ZBTB16: variants seen among roughly 807,000 people sequenced by gnomAD.
ZBTB16 encodes zinc finger and BTB domain containing 16.
A neutral mutation model predicts 56.8 loss-of-function variants in ZBTB16; 8 were observed. That is an observed-to-expected ratio of 0.14 (90% confidence interval 0.08 to 0.25). The LOEUF (loss-of-function observed/expected upper bound fraction) is 0.25, where lower values mean the gene tolerates loss of function less well. Ranked by LOEUF, ZBTB16 falls within the 10% of genes least tolerant of loss-of-function variation. The pLI, the probability that ZBTB16 is intolerant of heterozygous loss-of-function variation, is 1.00. For synonymous variants in ZBTB16, 363 were observed against 368.5 expected (o/e 0.98, Z 0.17); for missense variants, 625 against 903.0 (o/e 0.69, Z 3.95).
At chr11:114,243,048 C>T (rs1944745188) in intron 5 of ZBTB16, among the ~76,000 whole-genome samples, 1 of 152,226 alleles carries the variant, frequency 6.6e-6, no homozygotes, top group Non-Finnish European at 1.5e-5. Flanking sequence ...GATGGGGACA[C>T]TTGGTCCCTG....
Position 114,091,356 on chromosome 11 carries a change from C to T in ZBTB16, c.1268+26788C>T, listed in dbSNP as rs1940179504. The stretch of plus-strand genomic sequence containing the variant: ...AGTGGGACCCTGTCTCAAAACAAAA[C>T]AAAACAACAACAAAAAAAGCATGTT... On this transcript the variant is annotated intron_variant, in intron 2 of 6. Coordinates refer to ENST00000335953, the MANE Select transcript of ZBTB16 (RefSeq NM_006006.6). 2.0e-5 allele frequency among the ~76,000 whole-genome samples: 3 copies of T among 152,000 alleles called. No individual in the cohort carries two copies. The South Asian group carries it at 6.2e-4, about 32-fold the overall frequency.
chr11:114,078,200 A>C (rs1003328197), intron 2 of ZBTB16, among the ~76,000 whole-genome samples: 1 of 152,208 alleles, frequency 6.6e-6, no homozygotes, highest in East Asian at 1.9e-4. Flanking sequence ...GTGGACATGC[A>C]GAGTCTCTGA....
intron 4 of ZBTB16, among the ~76,000 whole-genome samples, chr11:114,210,162 A>AGTGT (rs139074973): frequency 0.043 from 5,857 of 134,678 alleles, 135 homozygotes; most frequent in East Asian, 0.062. Flanking sequence ...AGCCAAAGCT[A>AGTGT]GTGTGTGTGT....
chr11:114,235,858 T>G (rs1470033455), intron 4 of ZBTB16, among the ~76,000 whole-genome samples: 7 of 151,180 alleles, frequency 4.6e-5, no homozygotes, highest in Non-Finnish European at 7.4e-5. Flanking sequence ...ACATGCCCTG[T>G]AGTCAAAACT....
At chr11:114,233,074 C>CAT (rs1317369318) in intron 4 of ZBTB16, among the ~76,000 whole-genome samples, 5 of 47,380 alleles carry the variant, frequency 1.1e-4, no homozygotes, top group African/African-American at 2.1e-4. Flanking sequence ...CATGCGCGCG[C>CAT]GCGCGCGCAC....
intron 3 of ZBTB16, among the ~76,000 whole-genome samples, chr11:114,171,587 C>T (rs754787285): frequency 6.6e-6 from 1 of 152,212 alleles, no homozygotes; most frequent in African/African-American, 2.4e-5. Flanking sequence ...CCCAAGGTGA[C>T]AGGAAGAGTC....
At chr11:114,103,608 C>T (rs1283889643) in intron 2 of ZBTB16, among the ~76,000 whole-genome samples, 1 of 151,944 alleles carries the variant, frequency 6.6e-6, no homozygotes, top group Non-Finnish European at 1.5e-5. Context: ...ATTAACTCCT[C>T]GTGGCCCCTG....
At chr11:114,203,548 G>T (rs967291471) in intron 4 of ZBTB16, among the ~76,000 whole-genome samples, 1 of 151,938 alleles carries the variant, frequency 6.6e-6, no homozygotes, top group Non-Finnish European at 1.5e-5. Flanking sequence ...GCAAGACCCT[G>T]CCTGTTAAAA....
chr11:114,137,740 G>A (rs973079074), intron 2 of ZBTB16, among the ~76,000 whole-genome samples: 2 of 152,188 alleles, frequency 1.3e-5, no homozygotes, highest in African/African-American at 4.8e-5. Flanking sequence ...AGAGGGAATA[G>A]GATGGATTCT....
intron 3 of ZBTB16, among the ~76,000 whole-genome samples, chr11:114,179,305 C>T (rs1400799326): frequency 7.7e-6 from 1 of 130,364 alleles, no homozygotes; most frequent in Non-Finnish European, 1.7e-5. Flanking sequence ...AGAGAGCCTT[C>T]AAGCTCCTCT....
At chr11:114,240,334 T>C (rs1944676333) in intron 4 of ZBTB16, among the ~76,000 whole-genome samples, 1 of 152,198 alleles carries the variant, frequency 6.6e-6, no homozygotes, top group Non-Finnish European at 1.5e-5. Context: ...TCTCCATTGA[T>C]GGCCAGGAAG....
chr11:114,095,417 C>T (rs111614411), intron 2 of ZBTB16, among the ~76,000 whole-genome samples: 23,760 of 151,722 alleles, frequency 0.16, 2,034 homozygotes, highest in Middle Eastern at 0.27. Flanking sequence ...CCCGCCACCA[C>T]GCCCAGCTAA....
intron 4 of ZBTB16, among the ~76,000 whole-genome samples, chr11:114,229,726 G>A (rs1001393086): frequency 1.6e-4 from 25 of 152,176 alleles, no homozygotes; most frequent in Admixed American, 1.3e-3. Flanking sequence ...TGACATGGAT[G>A]CTTAGAAACT....
intron 2 of ZBTB16, among the ~76,000 whole-genome samples, chr11:114,107,071 C>G (rs1044241689): frequency 3.3e-5 from 5 of 152,174 alleles, no homozygotes; most frequent in African/African-American, 1.2e-4. Context: ...CTGAGAAAGA[C>G]AGCTCTGGAA....
chr11:114,086,219 A>G (rs1438924445), intron 2 of ZBTB16, among the ~76,000 whole-genome samples: 1 of 152,220 alleles, frequency 6.6e-6, no homozygotes, highest in Non-Finnish European at 1.5e-5. Context: ...CAGAGGAGCC[A>G]GGCGTGGCCA....
intron 2 of ZBTB16, among the ~76,000 whole-genome samples, chr11:114,083,333 C>T (rs1939841986): frequency 6.6e-6 from 1 of 152,194 alleles, no homozygotes; most frequent in South Asian, 2.1e-4. Flanking sequence ...AAACTTCAAC[C>T]TGCAGTATAG....
At chr11:114,124,557 C>CAAAAAAAAAAAAAAAAAAAAAAA (rs1381254014) in intron 2 of ZBTB16, among the ~76,000 whole-genome samples, 2 of 41,048 alleles carry the variant, frequency 4.9e-5, no homozygotes, top group Middle Eastern at 0.012. Context: ...AAAAAAAAAC[C>CAAAAAAAAAAAAAAAAAAAAAAA]AAAAAAAAAA....
At chr11:114,135,739 A>T (rs1417004272) in intron 2 of ZBTB16, among the ~76,000 whole-genome samples, 2 of 152,206 alleles carry the variant, frequency 1.3e-5, no homozygotes, top group African/African-American at 4.8e-5. Flanking sequence ...TTATGGCAAC[A>T]AAAGGGAACT....
Position 114,256,022 on chromosome 11 carries a change from G to GTTTTTTTTTTTTTTTTTTTTTTT in ZBTB16, c.*5479_*5480insTTTTTTTTTTTTTTTTTTTTTTT, listed in dbSNP as rs61107073. On this transcript the variant is annotated 3_prime_UTR_variant, in exon 7 of 7. Transcript: ENST00000335953. Reference sequence around the variant, plus strand: ...TTATTGAAGTACTTGGTTTTGTTTTGTTTTTTTTTTTTGTTTTTTTTGCCT... The same window carrying GTTTTTTTTTTTTTTTTTTTTTTT: ...TTATTGAAGTACTTGGTTTTGTTTTGTTTTTTTTTTTTTTTTTTTTTTTTTTTTTTTTTTTGTTTTTTTTGCCT... 1.4e-5 allele frequency among the ~76,000 whole-genome samples: 2 copies of GTTTTTTTTTTTTTTTTTTTTTTT among 143,082 alleles called. No individual in the cohort carries two copies. The highest frequency in any genetic ancestry group is 1.5e-5 in the Non-Finnish European group (1 of 65,996). The allele number at this position is 143,082 out of a possible 152,430, so 93.9% of individuals were successfully genotyped here.
Sources: gnomAD v4.1 joint callset for allele counts (sites outside exome capture counted in the v4.1 genomes callset) on GRCh38, gnomAD v4.1.1 for gene constraint, MANE v1.5 for transcripts, NCBI Gene and HGNC (gene_info 2026-07-23, HGNC 2026-07-21) for gene names.